HOXA7: variants seen among roughly 807,000 people sequenced by gnomAD.
HOXA7 encodes the protein homeobox protein Hox-A7.
In HOXA7, 16 loss-of-function variants were observed where a neutral mutation model predicts 16.8. The observed-to-expected ratio is 0.95, with a 90% CI of 0.64 to 1.44. HOXA7 has a LOEUF of 1.44. Ranked by LOEUF, HOXA7 falls within the 40% of genes most tolerant of loss-of-function variation. HOXA7 has a pLI of 0.00. For synonymous variants in HOXA7, 169 were observed against 144.3 expected (o/e 1.17, Z -1.23); for missense variants, 379 against 328.6 (o/e 1.15, Z -1.19).
In HOXA7 at chr7:27,156,416, C is replaced by G; in HGVS notation, c.130G>C (p.Ala44Pro). 6.2e-7 allele frequency: 1 copy of G among 1,613,472 alleles called. No homozygotes were observed. The highest frequency in any genetic ancestry group is 1.7e-4 in the Middle Eastern group (1 of 6,020). Residue 44 changes from alanine to proline, a missense_variant, in exon 1 of 2, where the codon GCC becomes CCC. Transcript: ENST00000242159. ...GGAACGGTCGAGGCGAAGGCGCCGG[C>G]GCCCGCCCCGTAGCCGCTTCTCTGT... The part of the protein sequence containing the change: ...NSQRSGYGAG[A>P]GAFASTVPGL...
rs1056794252 is a variant in HOXA7 at position 27,154,673 on chromosome 7, G to A, written c.*236C>T. ...GGGGGTGTCTTTTGGGGTCCTCGGAGGCAGAGGGAATCCAAGGCGACCCAG... is the reference window on the plus strand; with the variant it reads ...GGGGGTGTCTTTTGGGGTCCTCGGAAGCAGAGGGAATCCAAGGCGACCCAG... On this transcript the variant is annotated 3_prime_UTR_variant, in exon 2 of 2. Coordinates refer to ENST00000242159, the MANE Select transcript of HOXA7 (RefSeq NM_006896.4). 3 of 603,392 alleles carry A rather than the reference G, an allele frequency of 5.0e-6. No individual in the cohort carries two copies. Among genetic ancestry groups the A allele is most frequent in the African/African-American group, 3.7e-5 (2 of 53,746 alleles). 37.4% of individuals were successfully genotyped at this position (603,392 alleles called of 1,614,324 possible).
In HOXA7 at chr7:27,153,721, C is replaced by A. The variant is rs1783043685; in HGVS notation, c.*1188G>T. On this transcript the variant is annotated 3_prime_UTR_variant, in exon 2 of 2. Coordinates refer to ENST00000242159, the MANE Select transcript of HOXA7 (RefSeq NM_006896.4). The stretch of plus-strand genomic sequence containing the variant: ...TCTGGATAAGGCAGTCCACATTTTT[C>A]TTTGTCACCACGCATCTTTATTTTC... 6.6e-6 allele frequency: 1 copy of A among 152,650 alleles called. No homozygotes were observed. Among genetic ancestry groups the A allele is most frequent in the Non-Finnish European group, 1.5e-5 (1 of 68,050 alleles). 9.5% of individuals were successfully genotyped at this position (152,650 alleles called of 1,614,324 possible).
Position 27,154,752 on chromosome 7 carries a change from T to G in HOXA7, c.*157A>C. On this transcript the variant is annotated 3_prime_UTR_variant, in exon 2 of 2. Coordinates refer to ENST00000242159, the MANE Select transcript of HOXA7 (RefSeq NM_006896.4). ...TGGGAGCTGGAGTAGGTGATGGGGG[T>G]GGGTAGAGTGCAGGTTGGGGACTGG... 2 of 1,041,516 alleles carry G rather than the reference T, an allele frequency of 1.9e-6. No individual in the cohort carries two copies. Among genetic ancestry groups the G allele is most frequent in the South Asian group, 1.8e-5 (1 of 55,906 alleles). 64.5% of individuals were successfully genotyped at this position (1,041,516 alleles called of 1,614,324 possible).
chr7:27,156,219 C>A lies in HOXA7; in HGVS notation c.327G>T (p.Leu109=), dbSNP rs764327365. 1.4e-5 allele frequency: 23 copies of A among 1,599,802 alleles called. No individual in the cohort carries two copies. The highest frequency in any genetic ancestry group is 2.0e-5 in the Non-Finnish European group (23 of 1,173,214). Residue 109 remains leucine (L), a synonymous_variant, in exon 1 of 2, where the codon CTG becomes CTT. Transcript: ENST00000242159. ...GGAAATTGGCCTCAGCCGCGCCATG[C>A]AGCGCGCCCTCGTCCGTCTTGTCGC... The part of the protein sequence containing the change: ...GACDKTDEGA[L]HGAAEANFRI...
chr7:27,156,431 C>G lies in HOXA7; in HGVS notation c.115G>C (p.Gly39Arg), dbSNP rs765294385. The part of the protein sequence containing the change: ...CSFAPNSQRS[G>R]YGAGAGAFAS... ...AAGGCGCCGGCGCCCGCCCCGTAGCCGCTTCTCTGTGAGTTGGGAGCAAAG... is the reference window on the plus strand; with the variant it reads ...AAGGCGCCGGCGCCCGCCCCGTAGCGGCTTCTCTGTGAGTTGGGAGCAAAG... The change falls in exon 1 of 2, where the codon GGC becomes CGC. Residue 39 changes from glycine to arginine, a missense_variant. Coordinates refer to ENST00000242159, the MANE Select transcript of HOXA7 (RefSeq NM_006896.4). The G allele has an allele frequency of 2.5e-6, 4 of 1,613,902 alleles. No homozygotes were observed. Among genetic ancestry groups the G allele is most frequent in the East Asian group, 2.2e-5 (1 of 44,852 alleles).
In HOXA7 at chr7:27,155,004, G is replaced by C. The variant is rs749066787; in HGVS notation, c.598C>G (p.Pro200Ala). 6.2e-7 allele frequency: 1 copy of C among 1,614,110 alleles called. No homozygotes were observed. Among genetic ancestry groups the C allele is most frequent in the South Asian group, 1.1e-5 (1 of 91,080 alleles). ...GCGGCAGAGGGCACGGCGCCCTCGG[G>C]AGCTGCGGCGGCAGTCGGACCTTCG... ...KDEGPTAAAA[P>A]EGAVPSAAAT... Residue 200 changes from proline (P) to alanine (A), a missense_variant, in exon 2 of 2, where the codon CCC becomes GCC. Physicochemically the swap from Pro to Ala is conservative, Grantham distance 27. Transcript: ENST00000242159.
chr7:27,154,728 G>A lies in HOXA7; in HGVS notation c.*181C>T. The A allele has an allele frequency of 1.1e-6, 1 of 870,284 alleles. No individual in the cohort carries two copies. Among genetic ancestry groups the A allele is most frequent in the Non-Finnish European group, 1.7e-6 (1 of 591,054 alleles). The allele number at this position is 870,284 out of a possible 1,614,324, so 53.9% of individuals were successfully genotyped here. A position where few individuals can be genotyped will look rare whatever the true frequency, so the allele number is the denominator to read the frequency against. On this transcript the variant is annotated 3_prime_UTR_variant, in exon 2 of 2. Transcript: ENST00000242159. Reference sequence around the variant, plus strand: ...TGCGGCCGCTCAGTCCACAAAAGTTGGGAGCTGGAGTAGGTGATGGGGGTG... The same window carrying A: ...TGCGGCCGCTCAGTCCACAAAAGTTAGGAGCTGGAGTAGGTGATGGGGGTG...
chr7:27,155,128 G>GCGC lies in HOXA7; in HGVS notation c.471_473dup (p.Arg160dup). 5.6e-6 allele frequency: 9 copies of GCGC among 1,614,272 alleles called. No homozygotes were observed. The highest frequency in any genetic ancestry group is 7.6e-6 in the Non-Finnish European group (9 of 1,180,050). ...GCGCGTGGGCGATTTCAATGCGGCG[G>GCGC]CGCCGCGTCAGGTAGCGGTTGAAGT... On this transcript the variant is annotated inframe_insertion, in exon 2 of 2. Transcript: ENST00000242159.
rs961186416 is a variant in HOXA7 at position 27,156,074 on chromosome 7, G to A, written c.379+93C>T. ...CGCAACAGCCTGGCTCCGCTCTTCC[G>A]GCCCCGCGCCCCGCGCTCCGCGCTC... On this transcript the variant is annotated intron_variant, in intron 1 of 1. Transcript: ENST00000242159. 50 of 1,351,892 alleles carry A rather than the reference G, an allele frequency of 3.7e-5. 1 individual carries two copies. The African/African-American group carries it at 6.0e-4, about 16-fold the overall frequency. 83.7% of individuals were successfully genotyped at this position (1,351,892 alleles called of 1,614,324 possible). A position where few individuals can be genotyped will look rare whatever the true frequency, so the allele number is the denominator to read the frequency against.
rs544001319 is a variant in HOXA7, at chr7:27,156,175, C to G, written c.371G>C (p.Arg124Pro). The G allele has an allele frequency of 3.2e-6, 5 of 1,561,018 alleles. No homozygotes were observed. Among genetic ancestry groups the G allele is most frequent in the East Asian group, 2.3e-5 (1 of 42,692 alleles). ...CTAGCGACTGCGCCTACCTGAAGAC[C>G]GCATCCAGGGGTAGATGCGGAAATT... ...EANFRIYPWMRSSGPDRKRGR... is the reference protein window; with the variant it reads ...EANFRIYPWMPSSGPDRKRGR... Residue 124 changes from arginine (R) to proline (P), a missense_variant, in exon 1 of 2, where the codon CGG becomes CCG. Transcript: ENST00000242159.
Position 27,156,338 on chromosome 7 carries a change from A to G in HOXA7, c.208T>C (p.Tyr70His). The change falls in exon 1 of 2, where the codon TAC becomes CAC. Residue 70 changes from tyrosine to histidine, a missense_variant. Tyr to His is a moderately conservative substitution (Grantham distance 83). Coordinates refer to ENST00000242159, the MANE Select transcript of HOXA7 (RefSeq NM_006896.4). Reference sequence around the variant, plus strand: ...CCGTAGGCGTCGGCGCCCAGGCCGTAGCCGGACGCAAAGGGGCTCTGATAA... The same window carrying G: ...CCGTAGGCGTCGGCGCCCAGGCCGTGGCCGGACGCAAAGGGGCTCTGATAA... Reference protein sequence around the residue: ...PLYQSPFASGYGLGADAYGNL... With the variant: ...PLYQSPFASGHGLGADAYGNL... 2 of 1,614,102 alleles carry G rather than the reference A, an allele frequency of 1.2e-6. No individual in the cohort carries two copies.
In HOXA7 at chr7:27,154,891, G is replaced by C. The variant is rs767178708; in HGVS notation, c.*18C>G. The C allele has an allele frequency of 6.9e-6, 11 of 1,598,016 alleles. No homozygotes were observed. The East Asian group carries it at 1.8e-4, about 26-fold the overall frequency. Reference sequence around the variant, plus strand: ...CTTTTCCGACTGTCCGGTGCAGAGAGGGCCCCGGATCGGCCCCTCATTCCT... The same window carrying C: ...CTTTTCCGACTGTCCGGTGCAGAGACGGCCCCGGATCGGCCCCTCATTCCT... On this transcript the variant is annotated 3_prime_UTR_variant, in exon 2 of 2. Coordinates refer to ENST00000242159, the MANE Select transcript of HOXA7 (RefSeq NM_006896.4).
rs901402268 is a variant in HOXA7 at position 27,154,966 on chromosome 7, G to A, written c.636C>T (p.Ala212=). Residue 212 remains alanine, a synonymous_variant, in exon 2 of 2, where the codon GCC becomes GCT. Transcript: ENST00000242159. ...GAVPSAAATA[A]ADKADEEDDD... Reference sequence around the variant, plus strand: ...CGTCCTCCTCGTCGGCCTTGTCCGCGGCAGCAGTGGCGGCGGCAGAGGGCA... The same window carrying A: ...CGTCCTCCTCGTCGGCCTTGTCCGCAGCAGCAGTGGCGGCGGCAGAGGGCA... 7 of 1,613,160 alleles carry A rather than the reference G, an allele frequency of 4.3e-6. No homozygotes were observed. Among genetic ancestry groups the A allele is most frequent in the Non-Finnish European group, 5.9e-6 (7 of 1,179,360 alleles).
At chr7:27,155,356 C>T (rs1405191057) in intron 1 of HOXA7, 134 bp from the exon 2 acceptor site, 3 of 811,086 alleles carry the variant, frequency 3.7e-6, no homozygotes, top group Admixed American at 2.5e-5. Flanking sequence ...CCCCAGGCCC[C>T]GAACTGAGCT....
In HOXA7 at chr7:27,154,617, G is replaced by T. The variant is rs1216698173; in HGVS notation, c.*292C>A. Reference sequence around the variant, plus strand: ...GCCTGTGCTAGGTAGTATTTTGGACGCGCCAGAGCAGGGCCGGCTGGCCTG... The same window carrying T: ...GCCTGTGCTAGGTAGTATTTTGGACTCGCCAGAGCAGGGCCGGCTGGCCTG... On this transcript the variant is annotated 3_prime_UTR_variant, in exon 2 of 2. Transcript: ENST00000242159. 7.0e-6 allele frequency: 3 copies of T among 430,682 alleles called. No individual in the cohort carries two copies. Among genetic ancestry groups the T allele is most frequent in the East Asian group, 8.0e-5 (2 of 24,980 alleles). 26.7% of individuals were successfully genotyped at this position (430,682 alleles called of 1,614,324 possible).
rs1433392781 is a variant in HOXA7 at position 27,156,670 on chromosome 7, C to T, written c.-125G>A. On this transcript the variant is annotated 5_prime_UTR_variant, in exon 1 of 2. Transcript: ENST00000242159. Reference sequence around the variant, plus strand: ...CCATTTTCTTTTGGACGGAGCTCGCCGCAGCACGTGACCGCCCACATGACC... The same window carrying T: ...CCATTTTCTTTTGGACGGAGCTCGCTGCAGCACGTGACCGCCCACATGACC... 2.8e-6 allele frequency: 3 copies of T among 1,088,154 alleles called. No individual in the cohort carries two copies. The highest frequency in any genetic ancestry group is 2.8e-4 in the Middle Eastern group (1 of 3,524). 67.4% of individuals were successfully genotyped at this position (1,088,154 alleles called of 1,614,324 possible). A position where few individuals can be genotyped will look rare whatever the true frequency, so the allele number is the denominator to read the frequency against.
chr7:27,154,095 C>G lies in HOXA7; in HGVS notation c.*814G>C, dbSNP rs529731632. ...GGAGCCAGAGGAAAGGACAGCGAAG[C>G]TGGAAGCATCTCCACAGTCCTGCTA... On this transcript the variant is annotated 3_prime_UTR_variant, in exon 2 of 2. Coordinates refer to ENST00000242159, the MANE Select transcript of HOXA7 (RefSeq NM_006896.4). The G allele has an allele frequency of 6.6e-6, 1 of 152,420 alleles. No homozygotes were observed. Among genetic ancestry groups the G allele is most frequent in the African/African-American group, 2.4e-5 (1 of 41,592 alleles). 9.4% of individuals were successfully genotyped at this position (152,420 alleles called of 1,614,324 possible).
In HOXA7 at chr7:27,155,024, C is replaced by T. The variant is rs1031543455; in HGVS notation, c.578G>A (p.Gly193Asp). Residue 193 changes from glycine (G) to aspartate (D), a missense_variant, in exon 2 of 2, where the codon GGT becomes GAT. Gly to Asp is a moderately conservative substitution (Grantham distance 94, BLOSUM62 -1). Coordinates refer to ENST00000242159, the MANE Select transcript of HOXA7 (RefSeq NM_006896.4). ...CTCGGGAGCTGCGGCGGCAGTCGGA[C>T]CTTCGTCCTTATGCTCTTTCTTCCA... ...MKWKKEHKDE[G>D]PTAAAAPEGA... 2.5e-6 allele frequency: 4 copies of T among 1,614,096 alleles called. No homozygotes were observed. The highest frequency in any genetic ancestry group is 1.1e-5 in the South Asian group (1 of 91,092).
At chr7:27,155,479 C>T (rs1215230179) in intron 1 of HOXA7, 1 of 522,682 alleles carries the variant, frequency 1.9e-6, no homozygotes, top group East Asian at 2.9e-5. Flanking sequence ...CCTTTCCAGC[C>T]GGCTAAGCTT....
Sources: allele counts gnomAD v4.1 joint callset, GRCh38; gene constraint gnomAD v4.1.1; transcripts MANE v1.5; gene names NCBI Gene and HGNC (gene_info 2026-07-23, HGNC 2026-07-21).